The following CCDC66 variants were observed in gnomAD, a reference collection of about 807,000 sequenced individuals.
CCDC66 encodes coiled-coil domain-containing protein 66.
Under a neutral mutation model 128.3 loss-of-function variants are expected in CCDC66, and 133 were observed. The ratio of observed to expected loss-of-function variants is 1.04; its 90% CI spans 0.90 to 1.20. CCDC66 has a LOEUF of 1.20. CCDC66 is among the 50% of genes most tolerant of loss of function. CCDC66 has a pLI of 0.00. For synonymous variants in CCDC66, 387 were observed against 357.0 expected (o/e 1.08, Z -0.95); for missense variants, 1,126 against 1,075.5 (o/e 1.05, Z -0.66).
chr3:56,617,843 A>G (rs1379815952), intron 14 of CCDC66: 2 of 579,326 alleles, frequency 3.5e-6, no homozygotes, highest in Non-Finnish European at 6.0e-6. Context: ...GACTAGCAAC[A>G]GAAACAATAT....
intron 7 of CCDC66, among the ~76,000 whole-genome samples, chr3:56,592,758 A>T (rs1044227895): frequency 6.6e-6 from 1 of 151,816 alleles, no homozygotes; most frequent in African/African-American, 2.4e-5. Flanking sequence ...CTTATTATAT[A>T]TCTCTGATCT....
Position 56,621,715 on chromosome 3 carries a change from CTTA to C in CCDC66, c.*100_*102del. On this transcript the variant is annotated 3_prime_UTR_variant, in exon 18 of 18. Coordinates refer to ENST00000394672, the MANE Select transcript of CCDC66 (RefSeq NM_001141947.3). ...GTATTTTTCAAATAGCCTAGATTTA[CTTA>C]TTTTTTTAAATGCTCATTAAAAACT... The C allele has an allele frequency of 1.4e-6, 1 of 725,032 alleles. No individual in the cohort carries two copies. The allele number at this position is 725,032 out of a possible 1,614,324, so 44.9% of individuals were successfully genotyped here. A position where few individuals can be genotyped will look rare whatever the true frequency, so the allele number is the denominator to read the frequency against.
intron 7 of CCDC66, among the ~76,000 whole-genome samples, chr3:56,580,909 G>A (rs201025642): frequency 6.6e-6 from 1 of 151,744 alleles, no homozygotes; most frequent in Non-Finnish European, 1.5e-5. Context: ...TTCTTGAGGA[G>A]TATCTTTGTG....
intron 10 of CCDC66, among the ~76,000 whole-genome samples, chr3:56,596,281 A>G (rs1422160285): frequency 6.6e-6 from 1 of 151,934 alleles, no homozygotes; most frequent in African/African-American, 2.4e-5. Context: ...TATGGGTTTG[A>G]TTTGCATTTC....
At chr3:56,566,543 A>G in intron 4 of CCDC66, 51 bp from the exon 5 acceptor site, 2 of 1,207,716 alleles carry the variant, frequency 1.7e-6, no homozygotes, top group Non-Finnish European at 2.4e-6. Context: ...GCCAAGTATT[A>G]TAACAGATGT....
intron 7 of CCDC66, among the ~76,000 whole-genome samples, chr3:56,587,633 G>A (rs1435849728): frequency 6.6e-6 from 1 of 152,230 alleles, no homozygotes; most frequent in Non-Finnish European, 1.5e-5. Context: ...CACTTTGGGA[G>A]GCCTAGGCAG....
At position 56,617,585 on chromosome 3, in the gene CCDC66, A is replaced by AG. The variant is rs567591114; in HGVS notation, c.2319dup (p.Trp774ValfsTer48). 1,280 of 1,603,542 alleles carry AG rather than the reference A, an allele frequency of 8.0e-4. 18 individuals carry two copies. The highest frequency in any genetic ancestry group is 4.8e-3 in the Middle Eastern group (29 of 5,980). On this transcript the variant is annotated frameshift_variant, in exon 14 of 18. Transcript: ENST00000394672. LOFTEE classifies it high-confidence loss of function. ...TCATCAAGAAACGGAGTCAAAGTTG[A>AG]GGTGGCATCTAGTCAAAAAGGTAAA...
intron 4 of CCDC66, among the ~76,000 whole-genome samples, chr3:56,564,639 A>G (rs1374637885): frequency 6.6e-6 from 1 of 152,236 alleles, no homozygotes; most frequent in African/African-American, 2.4e-5. Context: ...AAGGAACAGT[A>G]GAGTGTTACA....
Position 56,564,244 on chromosome 3 carries a change from A to G in CCDC66, c.544+119A>G, listed in dbSNP as rs766766640. On this transcript the variant is annotated intron_variant, in intron 4 of 17. Coordinates refer to ENST00000394672, the MANE Select transcript of CCDC66 (RefSeq NM_001141947.3). ...AAACTCTAATTTAACCTGTCAATCT[A>G]TTAAAATAATTGTTCTTTTAGAGGA... The G allele has an allele frequency of 6.8e-5, 47 of 693,010 alleles. 1 individual carries two copies. Among genetic ancestry groups the G allele is most frequent in the Non-Finnish European group, 1.0e-4 (44 of 435,508 alleles). 42.9% of individuals were successfully genotyped at this position (693,010 alleles called of 1,614,324 possible).
intron 10 of CCDC66, among the ~76,000 whole-genome samples, 167 bp downstream of exon 10, chr3:56,594,195 A>G (rs573646918): frequency 6.6e-6 from 1 of 152,272 alleles, no homozygotes; most frequent in South Asian, 2.1e-4. Flanking sequence ...TAATATTAGA[A>G]TTAGCTTATC....
intron 10 of CCDC66, among the ~76,000 whole-genome samples, chr3:56,606,434 C>T (rs1007847456): frequency 1.1e-4 from 16 of 152,130 alleles, no homozygotes; most frequent in South Asian, 4.1e-4. Flanking sequence ...TCCTGGTCTG[C>T]GGGTGGCGAA....
chr3:56,616,919 A>C, intron 13 of CCDC66, 193 bp from the exon 14 acceptor site: 1 of 453,184 alleles, frequency 2.2e-6, no homozygotes, highest in South Asian at 5.2e-5. Context: ...TAGAAATGGA[A>C]ATTAGAGTGG....
chr3:56,558,432 A>G lies in CCDC66; in HGVS notation c.12-414A>G, dbSNP rs564660313. ...CCTTGATGGCATTGTTAGTAGTCAT[A>G]TCGATGCTCCAGCACTCCATAGAAT... On this transcript the variant is annotated intron_variant, in intron 1 of 17. Transcript: ENST00000394672. 2.0e-3 allele frequency among the ~76,000 whole-genome samples: 303 copies of G among 152,366 alleles called. 12 individuals are homozygous for G. In the South Asian group the frequency reaches 0.058, roughly 29 times the overall value.
intron 3 of CCDC66, chr3:56,561,095 C>T (rs1469555340): frequency 4.7e-6 from 2 of 421,352 alleles, no homozygotes; most frequent in Non-Finnish European, 9.4e-6. Context: ...ACCATGTATG[C>T]TCCCCAATCA....
At chr3:56,574,722 T>G (rs954344041) in intron 7 of CCDC66, among the ~76,000 whole-genome samples, 4 of 151,826 alleles carry the variant, frequency 2.6e-5, no homozygotes, top group Admixed American at 1.3e-4. Context: ...GGTCTCACTT[T>G]GTTACCCAGG....
chr3:56,610,016 C>T (rs1422870705), intron 10 of CCDC66, among the ~76,000 whole-genome samples: 6 of 152,190 alleles, frequency 3.9e-5, no homozygotes, highest in African/African-American at 9.7e-5. Flanking sequence ...TTCTTTCCTT[C>T]GTCTTCACTT....
At chr3:56,590,028 C>T (rs550543063) in intron 7 of CCDC66, among the ~76,000 whole-genome samples, 1 of 152,254 alleles carries the variant, frequency 6.6e-6, no homozygotes, top group East Asian at 1.9e-4. Context: ...TGCTGTTCCT[C>T]CTGTAAGGTA....
At chr3:56,610,062 C>CT (rs1411586655) in intron 10 of CCDC66, among the ~76,000 whole-genome samples, 2 of 152,166 alleles carry the variant, frequency 1.3e-5, no homozygotes, top group Admixed American at 1.3e-4. Flanking sequence ...AGGCAGAGAT[C>CT]TTTTTGTGTT....
chr3:56,609,954 A>G (rs1027557154), intron 10 of CCDC66, among the ~76,000 whole-genome samples: 1 of 152,304 alleles, frequency 6.6e-6, no homozygotes, highest in Middle Eastern at 3.4e-3. Flanking sequence ...TGTTAATCTG[A>G]TAGGTTTTCC....
Sources: gnomAD v4.1 joint callset for allele counts (sites outside exome capture counted in the v4.1 genomes callset) on GRCh38, gnomAD v4.1.1 for gene constraint, MANE v1.5 for transcripts, NCBI Gene and HGNC (gene_info 2026-07-23, HGNC 2026-07-21) for gene names.